Variants in PIKFYVE observed in about 807,000 individuals in gnomAD.
PIKFYVE encodes 1-phosphatidylinositol 3-phosphate 5-kinase.
In PIKFYVE, 122 loss-of-function variants were observed where a neutral mutation model predicts 257.9. The observed-to-expected ratio is 0.47, with a 90% CI of 0.41 to 0.55. The LOEUF (loss-of-function observed/expected upper bound fraction) is 0.55, where lower values mean the gene tolerates loss of function less well. Among genes scored for constraint, PIKFYVE ranks in the 20% least tolerant of loss-of-function variants. The pLI, the probability that PIKFYVE is intolerant of heterozygous loss-of-function variation, is 0.00. For missense variants in PIKFYVE, 2,160 were observed against 2,536.6 expected (o/e 0.85, Z 3.19); for synonymous variants, 892 against 868.9 (o/e 1.03, Z -0.47).
At chr2:208,275,232 G>T (rs16840824) in intron 3 of PIKFYVE, among the ~76,000 whole-genome samples, 4,256 of 152,294 alleles carry the variant, frequency 0.028, 184 homozygotes, top group African/African-American at 0.096. Context: ...TTGCCTAAGG[G>T]CATAGAGCTA....
chr2:208,355,209 G>T lies in PIKFYVE; in HGVS notation c.6201G>T (p.Val2067=), dbSNP rs1196726348. The T allele has an allele frequency of 6.2e-7, 1 of 1,613,784 alleles. No individual in the cohort carries two copies. The highest frequency in any genetic ancestry group is 1.1e-5 in the South Asian group (1 of 91,064). The part of the protein sequence containing the change: ...LGGQGKMPTV[V]SPELYRTRFC... ...TCTCAGGTAAAATGCCAACAGTGGTGTCTCCGGAGTTGTACAGGACTAGGT... is the reference window on the plus strand; with the variant it reads ...TCTCAGGTAAAATGCCAACAGTGGTTTCTCCGGAGTTGTACAGGACTAGGT... The change falls in exon 42 of 42, where the codon GTG becomes GTT. Residue 2067 remains valine (V), a synonymous_variant. Transcript: ENST00000264380.
chr2:208,292,387 A>G (rs1692428986), intron 7 of PIKFYVE, among the ~76,000 whole-genome samples: 1 of 152,094 alleles, frequency 6.6e-6, no homozygotes, highest in Admixed American at 6.6e-5. Context: ...TCTCTGATAG[A>G]GGGGTTAAAG....
At chr2:208,328,363 A>C (rs753642064) in intron 21 of PIKFYVE, 83 bp downstream of exon 21, 103 of 1,542,504 alleles carry the variant, frequency 6.7e-5, no homozygotes, top group Non-Finnish European at 9.0e-5. Context: ...AAAAACAGTC[A>C]TTAGGACCTG....
chr2:208,298,192 C>G (rs1693223738), intron 7 of PIKFYVE, among the ~76,000 whole-genome samples: 1 of 152,100 alleles, frequency 6.6e-6, no homozygotes, highest in South Asian at 2.1e-4. Context: ...CCATAGTTTC[C>G]TGACTCTGAT....
chr2:208,355,140 C>A, intron 41 of PIKFYVE, 50 bp from the exon 42 acceptor site: 1 of 1,419,990 alleles, frequency 7.0e-7, no homozygotes, highest in South Asian at 1.2e-5. Flanking sequence ...TTCAGTTGCC[C>A]AATCAATTAT....
intron 17 of PIKFYVE, among the ~76,000 whole-genome samples, chr2:208,323,733 A>G (rs535330916): frequency 2.0e-5 from 3 of 152,208 alleles, no homozygotes; most frequent in Admixed American, 6.5e-5. Context: ...CCAACAGTGT[A>G]AAAGTGTTCC....
intron 12 of PIKFYVE, among the ~76,000 whole-genome samples, chr2:208,305,843 T>A (rs1230705625): frequency 6.6e-6 from 1 of 152,218 alleles, no homozygotes; most frequent in Non-Finnish European, 1.5e-5. Context: ...TATGTTGTAA[T>A]AACTGAAAAA....
intron 2 of PIKFYVE, among the ~76,000 whole-genome samples, chr2:208,273,357 G>C (rs1033590271): frequency 3.9e-5 from 6 of 152,136 alleles, no homozygotes; most frequent in Non-Finnish European, 7.4e-5. Flanking sequence ...CAGCACTTTG[G>C]AAGGCTGAGG....
chr2:208,278,632 C>T (rs1690415234), intron 5 of PIKFYVE, among the ~76,000 whole-genome samples: 1 of 152,084 alleles, frequency 6.6e-6, no homozygotes, highest in Admixed American at 6.5e-5. Context: ...GTGTTTAGCT[C>T]CCACTTGTAA....
At chr2:208,312,095 T>A in intron 12 of PIKFYVE, 141 bp from the exon 13 acceptor site, 1 of 678,628 alleles carries the variant, frequency 1.5e-6, no homozygotes, top group Non-Finnish European at 2.6e-6. Flanking sequence ...CCCAAAGCTT[T>A]CTTGAATTTG....
intron 39 of PIKFYVE, among the ~76,000 whole-genome samples, chr2:208,353,001 T>C (rs1378046906): frequency 6.6e-6 from 1 of 152,226 alleles, no homozygotes; most frequent in Non-Finnish European, 1.5e-5. Flanking sequence ...TCCAATATTC[T>C]AGAATCACAG....
chr2:208,281,248 CA>C, intron 5 of PIKFYVE, among the ~76,000 whole-genome samples: 1 of 152,208 alleles, frequency 6.6e-6, no homozygotes, highest in Non-Finnish European at 1.5e-5. Context: ...ATTTCAACCC[CA>C]TTTAGTGTAA....
intron 21 of PIKFYVE, 92 bp downstream of exon 21, chr2:208,328,372 T>A: frequency 1.4e-6 from 2 of 1,466,660 alleles, no homozygotes; most frequent in Non-Finnish European, 1.9e-6. Flanking sequence ...CATTAGGACC[T>A]GTATTTAGGT....
chr2:208,322,709 T>A (rs866265595), intron 17 of PIKFYVE, among the ~76,000 whole-genome samples: 1 of 151,660 alleles, frequency 6.6e-6, no homozygotes. Context: ...ATATTTTTTT[T>A]ATTACACTTT....
intron 10 of PIKFYVE, 50 bp from the exon 11 acceptor site, chr2:208,304,121 A>G (rs753717358): frequency 3.2e-6 from 5 of 1,578,130 alleles, no homozygotes; most frequent in Non-Finnish European, 4.4e-6. Flanking sequence ...CAGCCTCAAC[A>G]TTGTTGCCAT....
chr2:208,295,028 G>A (rs988090829), intron 7 of PIKFYVE, among the ~76,000 whole-genome samples: 2 of 150,566 alleles, frequency 1.3e-5, no homozygotes, highest in African/African-American at 4.9e-5. Flanking sequence ...TGAGCTTCAA[G>A]GAATTTGTCA....
chr2:208,318,534 C>T (rs1209046274), intron 16 of PIKFYVE, among the ~76,000 whole-genome samples: 1 of 152,178 alleles, frequency 6.6e-6, no homozygotes, highest in Admixed American at 6.5e-5. Context: ...TTTTGATTCT[C>T]AGTGTAGTGT....
intron 12 of PIKFYVE, among the ~76,000 whole-genome samples, chr2:208,307,231 T>A (rs1694434297): frequency 2.0e-5 from 3 of 152,216 alleles, no homozygotes; most frequent in South Asian, 4.1e-4. Flanking sequence ...CAAGGATATC[T>A]GAGAAAGATT....
At chr2:208,315,761 T>G (rs140763962) in intron 15 of PIKFYVE, among the ~76,000 whole-genome samples, 1 of 152,254 alleles carries the variant, frequency 6.6e-6, no homozygotes, top group Non-Finnish European at 1.5e-5. Flanking sequence ...GCCTGTGGGC[T>G]GCATGCAGCC....
Sources: gnomAD v4.1 joint callset for allele counts (sites outside exome capture counted in the v4.1 genomes callset) on GRCh38, gnomAD v4.1.1 for gene constraint, MANE v1.5 for transcripts, NCBI Gene and HGNC (gene_info 2026-07-23, HGNC 2026-07-21) for gene names.